KCNIP4: variants seen among roughly 807,000 people sequenced by gnomAD.
KCNIP4 encodes the protein potassium voltage-gated channel interacting protein 4, also known as Kv channel-interacting protein 4.
A neutral mutation model predicts 34.0 loss-of-function variants in KCNIP4; 12 were observed. The ratio of observed to expected loss-of-function variants is 0.35; its 90% CI spans 0.23 to 0.57. The LOEUF (loss-of-function observed/expected upper bound fraction) is 0.57, where lower values mean the gene tolerates loss of function less well. Ranked by LOEUF, KCNIP4 falls within the 20% of genes least tolerant of loss-of-function variation. The pLI is 0.83. For missense variants in KCNIP4, 238 were observed against 311.7 expected (o/e 0.76, Z 1.78); for synonymous variants, 124 against 102.2 (o/e 1.21, Z -1.29).
chr4:21,707,194 G>A (rs1038836698), intron 1 of KCNIP4, among the ~76,000 whole-genome samples: 7 of 152,154 alleles, frequency 4.6e-5, no homozygotes, highest in Non-Finnish European at 1.0e-4. Context: ...GAGGCTTTCT[G>A]CCATAGTCTA....
intron 1 of KCNIP4, among the ~76,000 whole-genome samples, chr4:21,571,612 T>C (rs1427662631): frequency 1.3e-5 from 2 of 152,156 alleles, no homozygotes; most frequent in African/African-American, 2.4e-5. Flanking sequence ...TCAGTTTCAC[T>C]GCAGAAAGCA....
chr4:21,105,215 T>C (rs1363839560), intron 1 of KCNIP4, among the ~76,000 whole-genome samples: 1 of 151,682 alleles, frequency 6.6e-6, no homozygotes, highest in Non-Finnish European at 1.5e-5. Flanking sequence ...ATATTGATTC[T>C]TCCTACCCAT....
Position 21,895,149 on chromosome 4 carries a change from T to G in KCNIP4, c.61+53422A>C, listed in dbSNP as rs115400262. On this transcript the variant is annotated intron_variant, in intron 1 of 8. Coordinates refer to ENST00000382152, the MANE Select transcript of KCNIP4 (RefSeq NM_025221.6). ...TTGATATAGATGTCTTGCTAAACCT[T>G]GATATGCCCTAGAGTATTTGTTTGT... 6.7e-3 allele frequency among the ~76,000 whole-genome samples: 1,016 copies of G among 152,310 alleles called. 9 individuals are homozygous for G. The highest frequency in any genetic ancestry group is 0.011 in the Non-Finnish European group (742 of 68,020).
chr4:21,336,202 A>G (rs1475003250), intron 1 of KCNIP4, among the ~76,000 whole-genome samples: 1 of 152,152 alleles, frequency 6.6e-6, no homozygotes, highest in Non-Finnish European at 1.5e-5. Flanking sequence ...GTATAACATT[A>G]AATTTTTAAT....
chr4:21,179,793 A>T (rs1812828), intron 1 of KCNIP4, among the ~76,000 whole-genome samples: 100,584 of 151,932 alleles, frequency 0.66, 33,936 homozygotes, highest in African/African-American at 0.79. Flanking sequence ...AATGTTTTTT[A>T]AAAAATGCTT....
At chr4:21,681,989 A>T (rs1401762567) in intron 1 of KCNIP4, among the ~76,000 whole-genome samples, 2 of 151,920 alleles carry the variant, frequency 1.3e-5, no homozygotes, top group African/African-American at 4.8e-5. Context: ...CTTGGGTTCA[A>T]GTGATTCACC....
chr4:21,432,639 A>G (rs1726594081), intron 1 of KCNIP4, among the ~76,000 whole-genome samples: 1 of 152,220 alleles, frequency 6.6e-6, no homozygotes, highest in Non-Finnish European at 1.5e-5. Context: ...CTTACAAATG[A>G]TGCTCAATGA....
chr4:21,516,130 A>T (rs1734737609), intron 1 of KCNIP4, among the ~76,000 whole-genome samples: 1 of 152,194 alleles, frequency 6.6e-6, no homozygotes. Flanking sequence ...TTGAGCTCTA[A>T]CCTTGAGCAA....
At chr4:21,156,442 G>A (rs1245344483) in intron 1 of KCNIP4, among the ~76,000 whole-genome samples, 1 of 152,096 alleles carries the variant, frequency 6.6e-6, no homozygotes, top group African/African-American at 2.4e-5. Context: ...ATTATTTGGA[G>A]ACACCCAGGA....
chr4:21,347,903 A>G (rs934824112), intron 1 of KCNIP4, among the ~76,000 whole-genome samples: 1 of 152,314 alleles, frequency 6.6e-6, no homozygotes, highest in South Asian at 2.1e-4. Context: ...TTCCATCTAC[A>G]TGATAGAATC....
At chr4:21,676,054 A>C (rs1416692124) in intron 1 of KCNIP4, among the ~76,000 whole-genome samples, 1 of 152,164 alleles carries the variant, frequency 6.6e-6, no homozygotes, top group Non-Finnish European at 1.5e-5. Context: ...AGCATAAAGA[A>C]ACGCAATAAA....
chr4:21,663,996 G>A (rs1450414090), intron 1 of KCNIP4, among the ~76,000 whole-genome samples: 1 of 152,102 alleles, frequency 6.6e-6, no homozygotes, highest in Non-Finnish European at 1.5e-5. Context: ...CCAGGCTGGA[G>A]TGCAGTGGCA....
chr4:21,649,938 C>T (rs1451050005), intron 1 of KCNIP4, among the ~76,000 whole-genome samples: 1 of 152,198 alleles, frequency 6.6e-6, no homozygotes, highest in African/African-American at 2.4e-5. Flanking sequence ...CTTATTCCAA[C>T]TTTGCAAACA....
intron 1 of KCNIP4, among the ~76,000 whole-genome samples, chr4:21,766,770 C>G (rs1365638340): frequency 6.6e-6 from 1 of 152,122 alleles, no homozygotes; most frequent in African/African-American, 2.4e-5. Context: ...TTATTTCACT[C>G]TTTGTTAAAC....
chr4:21,154,955 C>G (rs1753039962), intron 1 of KCNIP4, among the ~76,000 whole-genome samples: 1 of 152,146 alleles, frequency 6.6e-6, no homozygotes, highest in Admixed American at 6.5e-5. Context: ...ATATTTTAGG[C>G]TTTATAGCCC....
At chr4:21,066,200 A>G (rs147106927) in intron 1 of KCNIP4, among the ~76,000 whole-genome samples, 65 of 152,246 alleles carry the variant, frequency 4.3e-4, no homozygotes, top group Middle Eastern at 3.4e-3. Flanking sequence ...GATGGCTCCA[A>G]GGTTCTTTCT....
intron 1 of KCNIP4, among the ~76,000 whole-genome samples, chr4:21,667,728 C>T (rs1041447858): frequency 3.9e-5 from 6 of 152,128 alleles, no homozygotes; most frequent in Non-Finnish European, 8.8e-5. Context: ...TGAAGAATTG[C>T]GAATAATGCT....
At chr4:21,428,120 T>G (rs1726095060) in intron 1 of KCNIP4, among the ~76,000 whole-genome samples, 1 of 152,150 alleles carries the variant, frequency 6.6e-6, no homozygotes, top group Admixed American at 6.5e-5. Flanking sequence ...GGGCTGGCAG[T>G]ATCTGAGTGG....
chr4:21,375,303 C>T (rs187324311), intron 1 of KCNIP4, among the ~76,000 whole-genome samples: 1 of 152,236 alleles, frequency 6.6e-6, no homozygotes, highest in East Asian at 1.9e-4. Context: ...TGAGTCCCTC[C>T]ACTGTAGAAT....
Sources: allele counts gnomAD v4.1 joint callset (sites outside exome capture counted in the v4.1 genomes callset), GRCh38; gene constraint gnomAD v4.1.1; transcripts MANE v1.5; gene names NCBI Gene and HGNC (gene_info 2026-07-23, HGNC 2026-07-21).